Variants in HSPH1 observed in about 807,000 individuals in gnomAD.
HSPH1 encodes heat shock protein 105 kDa.
In HSPH1, 40 loss-of-function variants were observed where a neutral mutation model predicts 100.0. The ratio of observed to expected loss-of-function variants is 0.40; its 90% CI spans 0.31 to 0.52. HSPH1 has a LOEUF of 0.52. Among genes scored for constraint, HSPH1 ranks in the 20% least tolerant of loss-of-function variants. The pLI is 0.54. For missense variants in HSPH1, 876 were observed against 1,015.1 expected, an observed-to-expected ratio of 0.86 and a Z score of 1.86; for synonymous variants, 403 against 344.0, an observed-to-expected ratio of 1.17 and a Z score of -1.90.
At chr13:31,142,479 G>A (rs1413836457) in intron 12 of HSPH1, among the ~76,000 whole-genome samples, 1 of 152,034 alleles carries the variant, frequency 6.6e-6, no homozygotes, top group Non-Finnish European at 1.5e-5. Context: ...TGAGCCACAG[G>A]AAAGAAAAAT....
intron 6 of HSPH1, 94 bp downstream of exon 6, chr13:31,151,515 T>C: frequency 8.4e-7 from 1 of 1,184,180 alleles, no homozygotes. Flanking sequence ...AACTCTTCAT[T>C]ACCAAGAAGA....
chr13:31,137,567 T>G, intron 17 of HSPH1, 43 bp from the exon 18 acceptor site: 1 of 1,456,856 alleles, frequency 6.9e-7, no homozygotes, highest in Non-Finnish European at 9.4e-7. Context: ...CTCAGATCCA[T>G]CCAGTTCATT....
In HSPH1 at chr13:31,148,479, CA is replaced by C; in HGVS notation, c.1138del (p.Cys380ValfsTer25). On this transcript the variant is annotated frameshift_variant and splice_region_variant, in exon 9 of 18. Coordinates refer to ENST00000320027, the MANE Select transcript of HSPH1 (RefSeq NM_006644.4). LOFTEE classifies it high-confidence loss of function. ...TTTAAATGCCGGGGAAAGTATTGCACACTTAAAAAAAAAAAAAAAAATCATG... is the reference window on the plus strand; with the variant it reads ...TTTAAATGCCGGGGAAAGTATTGCACCTTAAAAAAAAAAAAAAAAATCATG... ...EAVARGCALQCAILSPAFKVR... is the reference protein window; with the variant it reads ...EAVARGCALQXAILSPAFKVR... 1 of 1,195,158 alleles carries C rather than the reference CA, an allele frequency of 8.4e-7. No homozygotes were observed. Among genetic ancestry groups the C allele is most frequent in the South Asian group, 1.5e-5 (1 of 68,272 alleles). The allele number at this position is 1,195,158 out of a possible 1,614,324, so 74.0% of individuals were successfully genotyped here. A position where few individuals can be genotyped will look rare whatever the true frequency, so the allele number is the denominator to read the frequency against.
At position 31,140,572 on chromosome 13, in the gene HSPH1, T is replaced by A. The variant is rs1039346363; in HGVS notation, c.1855-263A>T. ...TAATGCTAAAAAAAAAAAAAAAAAA[T>A]CAAGCTACTGCTTAAATGTAATTTT... On this transcript the variant is annotated intron_variant, in intron 13 of 17. Coordinates refer to ENST00000320027, the MANE Select transcript of HSPH1 (RefSeq NM_006644.4). The A allele has an allele frequency of 2.8e-5, 6 of 214,908 alleles. No homozygotes were observed. In the East Asian group the frequency reaches 4.6e-4, roughly 16 times the overall value. The allele number at this position is 214,908 out of a possible 1,614,324, so 13.3% of individuals were successfully genotyped here.
chr13:31,146,690 T>C (rs748152963), intron 10 of HSPH1, among the ~76,000 whole-genome samples: 4 of 152,188 alleles, frequency 2.6e-5, no homozygotes, highest in Non-Finnish European at 4.4e-5. Context: ...ATCCAGACTG[T>C]CTGGGCTTGA....
intron 6 of HSPH1, 70 bp from the exon 7 acceptor site, chr13:31,151,261 A>G (rs1956478141): frequency 8.0e-7 from 1 of 1,244,744 alleles, no homozygotes. Context: ...CTTAAATATT[A>G]CTACTCAAAC....
chr13:31,146,994 A>G (rs1956286027), intron 10 of HSPH1, among the ~76,000 whole-genome samples: 1 of 152,206 alleles, frequency 6.6e-6, no homozygotes, highest in South Asian at 2.1e-4. Context: ...TAATTGTCAA[A>G]TCAGTAGTTC....
At chr13:31,152,471 G>A (rs1956522982) in intron 5 of HSPH1, 1 of 224,858 alleles carries the variant, frequency 4.4e-6, no homozygotes, top group Admixed American at 5.3e-5. Flanking sequence ...CCTATCTACA[G>A]TTCAGTAGAT....
In HSPH1 at chr13:31,138,842, A is replaced by G. The variant is rs746033086; in HGVS notation, c.2147T>C (p.Phe716Ser). 1 of 1,611,048 alleles carries G rather than the reference A, an allele frequency of 6.2e-7. No homozygotes were observed. Among genetic ancestry groups the G allele is most frequent in the Non-Finnish European group, 8.5e-7 (1 of 1,178,540 alleles). The change falls in exon 16 of 18, where the codon TTT (phenylalanine) becomes TCT (serine). Residue 716 changes from phenylalanine (F) to serine (S), a missense_variant. Transcript: ENST00000320027. Reference sequence around the variant, plus strand: ...CTGCAGCCTCTGTCCTAGTTCTTCAAACATTTTTGGCCGTTCTTCAGCTTC... The same window carrying G: ...CTGCAGCCTCTGTCCTAGTTCTTCAGACATTTTTGGCCGTTCTTCAGCTTC... The part of the protein sequence containing the change: ...FQEAEERPKM[F>S]EELGQRLQHY...
rs184694707 is a variant in HSPH1, at chr13:31,147,502, A to C, written c.1378+457T>G. On this transcript the variant is annotated intron_variant, in intron 10 of 17. Transcript: ENST00000320027. ...CCCCCCAAAATATGTACCAAAAAAA[A>C]CTTATCTTTAGAAAAGATAACACAA... Among the ~76,000 whole-genome samples the C allele has an allele frequency of 6.2e-3, 936 of 152,194 alleles. 5 individuals are homozygous for C. The highest frequency in any genetic ancestry group is 6.9e-3 in the African/African-American group (287 of 41,556).
chr13:31,148,184 TTA>T (rs1956339270), intron 9 of HSPH1, 92 bp from the exon 10 acceptor site: 4 of 1,323,698 alleles, frequency 3.0e-6, no homozygotes, highest in Middle Eastern at 1.9e-4. Flanking sequence ...TCTAAAATCT[TTA>T]TCAATTCTAT....
rs1159529446 is a variant in HSPH1, at chr13:31,151,265, C to T, written c.664-74G>A. On this transcript the variant is annotated intron_variant, in intron 6 of 17. Transcript: ENST00000320027. ...GTAACTAGAATCTTAAATATTACTA[C>T]TCAAACAATGAAAGACTAAGAGACT... 4.1e-6 allele frequency: 5 copies of T among 1,220,710 alleles called. No individual in the cohort carries two copies. In the African/African-American group the frequency reaches 7.6e-5, roughly 19 times the overall value. The allele number at this position is 1,220,710 out of a possible 1,614,324, so 75.6% of individuals were successfully genotyped here.
Position 31,138,925 on chromosome 13 carries a change from T to C in HSPH1, c.2089-25A>G, listed in dbSNP as rs759066397. 5.2e-5 allele frequency: 82 copies of C among 1,574,792 alleles called. No homozygotes were observed. In the South Asian group the frequency reaches 9.1e-4, roughly 17 times the overall value. On this transcript the variant is annotated intron_variant, in intron 15 of 17. Transcript: ENST00000320027. ...TCTAAAATAAAATGTAATAAATTAA[T>C]AGTTATCATAATTTTATTTTAAAGT...
rs866316331 is a variant in HSPH1, at chr13:31,161,037, G to C, written c.107+439C>G. ...CTCCGCGGTGCGCAAAGATATGCGC[G>C]AAGGGAGGAGGACAAGCTGGAGGCG... On this transcript the variant is annotated intron_variant, in intron 1 of 17. Coordinates refer to ENST00000320027, the MANE Select transcript of HSPH1 (RefSeq NM_006644.4). 6.6e-5 allele frequency among the ~76,000 whole-genome samples: 10 copies of C among 152,332 alleles called. No homozygotes were observed. The South Asian group carries it at 1.0e-3, about 16-fold the overall frequency.
At chr13:31,150,812 G>T (rs1170486268) in intron 7 of HSPH1, 135 bp downstream of exon 7, 2 of 832,162 alleles carry the variant, frequency 2.4e-6, no homozygotes, top group Non-Finnish European at 3.7e-6. Context: ...ATAAACAACA[G>T]CATCTCCAGC....
chr13:31,137,570 A>C lies in HSPH1; in HGVS notation c.2371-46T>G, dbSNP rs751363773. On this transcript the variant is annotated intron_variant, in intron 17 of 17. Coordinates refer to ENST00000320027, the MANE Select transcript of HSPH1 (RefSeq NM_006644.4). ...TTATCAGATTAACTCAGATCCATCC[A>C]GTTCATTTTCAACTGCTTCTCCACA... 2.1e-6 allele frequency: 3 copies of C among 1,440,706 alleles called. No individual in the cohort carries two copies. In the South Asian group the frequency reaches 3.8e-5, roughly 18 times the overall value. 89.2% of individuals were successfully genotyped at this position (1,440,706 alleles called of 1,614,324 possible). A position where few individuals can be genotyped will look rare whatever the true frequency, so the allele number is the denominator to read the frequency against.
chr13:31,139,595 G>A (rs1369706344), intron 14 of HSPH1, among the ~76,000 whole-genome samples: 3 of 152,000 alleles, frequency 2.0e-5, no homozygotes, highest in African/African-American at 4.8e-5. Flanking sequence ...TACATTACAA[G>A]GTAGCCCAGA....
rs1955863383 is a variant in HSPH1 at position 31,135,525 on chromosome 13, G to A, written c.*1793C>T. ...TGAATAGCTGACATAAAGATTCTTA[G>A]TAAGAACATTTTACATTCCAATATT... On this transcript the variant is annotated 3_prime_UTR_variant, in exon 18 of 18. Coordinates refer to ENST00000320027, the MANE Select transcript of HSPH1 (RefSeq NM_006644.4). 1 of 151,696 alleles carries A rather than the reference G, an allele frequency of 6.6e-6. No homozygotes were observed. Among genetic ancestry groups the A allele is most frequent in the African/African-American group, 2.4e-5 (1 of 40,980 alleles). 9.4% of individuals were successfully genotyped at this position (151,696 alleles called of 1,614,324 possible).
intron 3 of HSPH1, 56 bp downstream of exon 3, chr13:31,155,458 C>A: frequency 7.2e-7 from 1 of 1,382,512 alleles, no homozygotes; most frequent in Non-Finnish European, 1.0e-6. Flanking sequence ...CAAATAAGTT[C>A]GTATTTTTAA....
Sources: gnomAD v4.1 joint callset for allele counts (sites outside exome capture counted in the v4.1 genomes callset) on GRCh38, gnomAD v4.1.1 for gene constraint, MANE v1.5 for transcripts, NCBI Gene and HGNC (gene_info 2026-07-23, HGNC 2026-07-21) for gene names.